TNS1: variants seen among roughly 807,000 people sequenced by gnomAD.
TNS1 encodes the protein tensin-1.
A neutral mutation model predicts 168.6 loss-of-function variants in TNS1; 62 were observed. The observed-to-expected ratio is 0.37, with a 90% CI of 0.30 to 0.45. The LOEUF (loss-of-function observed/expected upper bound fraction) is 0.45, where lower values mean the gene tolerates loss of function less well. TNS1 is among the 20% of genes least tolerant of loss of function. The probability of loss-of-function intolerance (pLI) is 1.00; values close to 1 mark genes in which losing one functional copy is unlikely to be tolerated. For missense variants in TNS1, 2,240 were observed against 2,339.4 expected (o/e 0.96, Z 0.88); for synonymous variants, 934 against 933.2 (o/e 1.00, Z -0.02).
intron 22 of TNS1, among the ~76,000 whole-genome samples, chr2:217,827,569 G>A (rs185468511): frequency 1.5e-4 from 23 of 152,292 alleles, no homozygotes; most frequent in Admixed American, 1.3e-3. Context: ...CCCAGGGCAC[G>A]GTGCCTGCAG....
chr2:218,017,121 T>C lies in TNS1; in HGVS notation c.156+16699A>G, dbSNP rs191056215. Among the ~76,000 whole-genome samples, 10 of 151,774 alleles carry C rather than the reference T, an allele frequency of 6.6e-5. No individual in the cohort carries two copies. In the East Asian group the frequency reaches 1.7e-3, roughly 27 times the overall value. On this transcript the variant is annotated intron_variant, in intron 1 of 1. Transcript: ENST00000649572. ...CGGAAGGGACAAACCCAGTGGGGAG[T>C]ATGGACTGAGACCCTCAAGACCCCA...
At chr2:217,838,853 C>G (rs569577864) in intron 19 of TNS1, among the ~76,000 whole-genome samples, 29 of 152,274 alleles carry the variant, frequency 1.9e-4, no homozygotes, top group Middle Eastern at 3.4e-3. Flanking sequence ...CAACCAGTGT[C>G]ATGGAGAGAA....
chr2:217,983,951 C>A (rs752771220), intron 2 of TNS1, among the ~76,000 whole-genome samples: 1 of 152,210 alleles, frequency 6.6e-6, no homozygotes, highest in Non-Finnish European at 1.5e-5. Context: ...ATGAGATTCA[C>A]ATTTAAATCA....
intron 3 of TNS1, among the ~76,000 whole-genome samples, chr2:217,970,005 A>G (rs1400990243): frequency 6.6e-6 from 1 of 152,192 alleles, no homozygotes; most frequent in East Asian, 1.9e-4. Flanking sequence ...CCTGATAAAA[A>G]AAAAAAATTT....
intron 4 of TNS1, among the ~76,000 whole-genome samples, chr2:217,910,622 G>A (rs3791926): frequency 0.038 from 5,692 of 151,604 alleles, 275 homozygotes; most frequent in African/African-American, 0.11. Context: ...GAGTCCAGCT[G>A]GCACTCCCGG....
chr2:217,939,767 G>A (rs906710672), intron 3 of TNS1, among the ~76,000 whole-genome samples: 1 of 152,218 alleles, frequency 6.6e-6, no homozygotes, highest in African/African-American at 2.4e-5. Flanking sequence ...GCCCAGACTA[G>A]CCCTGGAGGC....
upstream of TNS1, among the ~76,000 whole-genome samples, chr2:218,011,007 A>G (rs1434146751): frequency 6.6e-6 from 1 of 152,090 alleles, no homozygotes; most frequent in Non-Finnish European, 1.5e-5. Flanking sequence ...GGGCGCTCAG[A>G]CGTTCAGCAC....
At chr2:218,009,703 AG>A (rs1958689417) in intron 1 of TNS1, among the ~76,000 whole-genome samples, 2 of 152,312 alleles carry the variant, frequency 1.3e-5, no homozygotes, top group South Asian at 4.1e-4. Context: ...ATCGGGGGAC[AG>A]GGGGCATTTC....
At chr2:217,917,773 G>A (rs374207598) in intron 4 of TNS1, among the ~76,000 whole-genome samples, 2 of 144,460 alleles carry the variant, frequency 1.4e-5, no homozygotes, top group East Asian at 4.3e-4. Flanking sequence ...GGAGGTTGCA[G>A]TGAGCCAAGA....
intron 3 of TNS1, among the ~76,000 whole-genome samples, chr2:217,976,149 A>T (rs1436681999): frequency 2.6e-5 from 4 of 152,122 alleles, no homozygotes; most frequent in Non-Finnish European, 5.9e-5. Context: ...GCTCCAGCTC[A>T]TTCCCTTCAA....
intron 1 of TNS1, among the ~76,000 whole-genome samples, chr2:218,001,321 T>C (rs937633632): frequency 6.6e-6 from 1 of 152,110 alleles, no homozygotes; most frequent in Admixed American, 6.5e-5. Flanking sequence ...ATTTCATCCC[T>C]ACCTCTCTGT....
chr2:218,016,518 G>C (rs1472791802), intron 1 of TNS1, among the ~76,000 whole-genome samples: 2 of 152,184 alleles, frequency 1.3e-5, no homozygotes, highest in African/African-American at 2.4e-5. Flanking sequence ...GGTTACTGCA[G>C]TGTGAGAAGG....
At chr2:217,878,113 G>T (rs1451838064) in intron 18 of TNS1, among the ~76,000 whole-genome samples, 1 of 152,204 alleles carries the variant, frequency 6.6e-6, no homozygotes, top group Non-Finnish European at 1.5e-5. Context: ...CTTCTCTGTG[G>T]GTCGGGCCAG....
rs954630308 is a variant in TNS1, at chr2:218,031,011, AGTGTATGT to A, written c.156+2801_156+2808del. Among the ~76,000 whole-genome samples, 31 of 144,182 alleles carry A rather than the reference AGTGTATGT, an allele frequency of 2.2e-4. 1 individual carries two copies. In the Middle Eastern group the frequency reaches 0.018, roughly 83 times the overall value. 94.6% of individuals were successfully genotyped at this position (144,182 alleles called of 152,430 possible). On this transcript the variant is annotated intron_variant, in intron 1 of 1. Transcript: ENST00000649572. The stretch of plus-strand genomic sequence containing the variant: ...GTGTATGTATGAGTGTGAGTGTGGG[AGTGTATGT>A]GTGTATGTGTGTGTATGTGAGTGAG...
In TNS1 at chr2:217,885,123, G is replaced by T. The variant is rs371594517; in HGVS notation, c.1158C>A (p.Asp386Glu). The change falls in exon 16 of 33, where the codon GAC becomes GAA. Residue 386 changes from aspartate to glutamate, a missense_variant. Physicochemically the swap from Asp to Glu is conservative, Grantham distance 45 (BLOSUM62 2). Transcript: ENST00000682258. ...TGTGGAACTGCACACGGAAGATGAC[G>T]TCTCGGGCTGGGCTTCGGAACTTCT... Reference protein sequence around the residue: ...YHKKFRSPARDVIFRVQFHTC... With the variant: ...YHKKFRSPAREVIFRVQFHTC... 1.2e-6 allele frequency: 2 copies of T among 1,614,244 alleles called. No individual in the cohort carries two copies. Among genetic ancestry groups the T allele is most frequent in the Non-Finnish European group, 1.7e-6 (2 of 1,180,046 alleles).
rs1946961532 is a variant in TNS1 at position 217,848,285 on chromosome 2, A to G, written c.2232T>C (p.Ser744=). 2 of 1,545,836 alleles carry G rather than the reference A, an allele frequency of 1.3e-6. No individual in the cohort carries two copies. The highest frequency in any genetic ancestry group is 1.7e-6 in the Non-Finnish European group (2 of 1,145,036). The change falls in exon 19 of 33, where the codon TCT becomes TCC. Residue 744 remains serine, a synonymous_variant. Coordinates refer to ENST00000682258, the MANE Select transcript of TNS1 (RefSeq NM_001387777.1). ...YAHDPSGMFR[S]QSFSEAEPQL... is the part of the protein sequence containing the mutation. Reference sequence around the variant, plus strand: ...GGGGTTCAGCTTCCGAAAAGGATTGAGAGCGGAACATACCGCTGGGGTCAT... The same window carrying G: ...GGGGTTCAGCTTCCGAAAAGGATTGGGAGCGGAACATACCGCTGGGGTCAT...
At chr2:217,892,812 T>C (rs1265079401) in intron 11 of TNS1, 136 bp downstream of exon 11, 139 of 972,668 alleles carry the variant, frequency 1.4e-4, no homozygotes, top group Admixed American at 2.2e-4. Context: ...AGGGGCCCCT[T>C]CCCCCGTCCT....
chr2:218,011,219 G>T (rs936822996), upstream of TNS1, among the ~76,000 whole-genome samples: 2 of 152,204 alleles, frequency 1.3e-5, no homozygotes, highest in African/African-American at 2.4e-5. Flanking sequence ...ATTGTGTGAG[G>T]TCATCCTATT....
At chr2:218,026,529 AC>A (rs1958850754) in intron 1 of TNS1, among the ~76,000 whole-genome samples, 1 of 152,052 alleles carries the variant, frequency 6.6e-6, no homozygotes, top group African/African-American at 2.4e-5. Context: ...AAGCTCCTCT[AC>A]CTCCCCAGGG....
Sources: allele counts gnomAD v4.1 joint callset (sites outside exome capture counted in the v4.1 genomes callset), GRCh38; gene constraint gnomAD v4.1.1; transcripts MANE v1.5; gene names NCBI Gene and HGNC (gene_info 2026-07-23, HGNC 2026-07-21).